The following SAMD3 variants were observed in gnomAD, a reference collection of about 807,000 sequenced individuals.
The protein encoded by SAMD3 is sterile alpha motif domain containing 3.
A neutral mutation model predicts 58.5 loss-of-function variants in SAMD3; 63 were observed. That is an observed-to-expected ratio of 1.08 (90% CI 0.88 to 1.33). The LOEUF is 1.33. Ranked by LOEUF, SAMD3 falls within the 40% of genes most tolerant of loss-of-function variation. SAMD3 has a pLI of 0.00. For missense variants in SAMD3, 604 were observed against 608.4 expected (o/e 0.99, Z 0.08); for synonymous variants, 220 against 210.3 (o/e 1.05, Z -0.40).
At chr6:130,231,345 C>G (rs1436186035) in intron 2 of SAMD3, among the ~76,000 whole-genome samples, 4 of 152,102 alleles carry the variant, frequency 2.6e-5, no homozygotes, top group Non-Finnish European at 4.4e-5. Flanking sequence ...GGGCAGATCA[C>G]TTAAGGTCAG....
At chr6:130,226,078 C>A (rs975618428), upstream of SAMD3, among the ~76,000 whole-genome samples, 3 of 152,156 alleles carry the variant, frequency 2.0e-5, no homozygotes, top group African/African-American at 7.2e-5. Context: ...CAGGACAGCG[C>A]CGCTTTTCCC....
At chr6:130,237,597 G>A (rs534971825) in intron 2 of SAMD3, among the ~76,000 whole-genome samples, 1 of 152,122 alleles carries the variant, frequency 6.6e-6, no homozygotes, top group South Asian at 2.1e-4. Flanking sequence ...GTTATTGATT[G>A]CTGGATACTT....
rs185393517 is a variant in SAMD3 at position 130,194,066 on chromosome 6, T to C, written c.384-9443A>G. Among the ~76,000 whole-genome samples, 510 of 152,140 alleles carry C rather than the reference T, an allele frequency of 3.4e-3. 3 individuals carry two copies. The highest frequency in any genetic ancestry group is 9.5e-3 in the African/African-American group (395 of 41,496). On this transcript the variant is annotated intron_variant, in intron 5 of 11. Transcript: ENST00000439090. Reference sequence around the variant, plus strand: ...TCTTCCTCAGCCTCCGCTCCTCCACTCTATAATCTTTTTATCACCACCCCT... The same window carrying C: ...TCTTCCTCAGCCTCCGCTCCTCCACCCTATAATCTTTTTATCACCACCCCT...
chr6:130,335,501 C>T (rs1777071036), intron 1 of SAMD3, among the ~76,000 whole-genome samples: 1 of 152,228 alleles, frequency 6.6e-6, no homozygotes, highest in Admixed American at 6.5e-5. Context: ...CATTTATCCA[C>T]TCAATCAACA....
At chr6:130,318,877 G>A (rs2114998374) in intron 1 of SAMD3, among the ~76,000 whole-genome samples, 1 of 152,240 alleles carries the variant, frequency 6.6e-6, no homozygotes, top group Non-Finnish European at 1.5e-5. Flanking sequence ...TGTTAGTTCT[G>A]TTATTAAAAC....
chr6:130,244,477 C>G (rs573912671), intron 2 of SAMD3, among the ~76,000 whole-genome samples: 13 of 152,152 alleles, frequency 8.5e-5, no homozygotes, highest in Non-Finnish European at 1.8e-4. Flanking sequence ...GGTGGCCCAG[C>G]CTTGTAATCC....
At chr6:130,337,513 A>G (rs1777137466) in intron 1 of SAMD3, among the ~76,000 whole-genome samples, 1 of 152,232 alleles carries the variant, frequency 6.6e-6, no homozygotes, top group African/African-American at 2.4e-5. Flanking sequence ...CTTTGGGTAT[A>G]AAGATACCCA....
intron 7 of SAMD3, among the ~76,000 whole-genome samples, chr6:130,177,154 T>A (rs916259661): frequency 2.0e-5 from 3 of 152,148 alleles, no homozygotes; most frequent in Non-Finnish European, 2.9e-5. Flanking sequence ...GCATCTCTGA[T>A]TTTGAGGTCA....
chr6:130,157,150 G>T (rs1314884995), intron 8 of SAMD3, among the ~76,000 whole-genome samples: 1 of 151,462 alleles, frequency 6.6e-6, no homozygotes. Flanking sequence ...ATTTTACTTG[G>T]ATTATCTAAA....
At chr6:130,233,193 C>T (rs567121266) in intron 2 of SAMD3, among the ~76,000 whole-genome samples, 4 of 152,280 alleles carry the variant, frequency 2.6e-5, no homozygotes, top group South Asian at 4.1e-4. Context: ...TCCATGACCA[C>T]ACTAGGTCCA....
intron 5 of SAMD3, among the ~76,000 whole-genome samples, chr6:130,193,013 G>A (rs574893673): frequency 5.3e-5 from 8 of 152,032 alleles, no homozygotes; most frequent in Non-Finnish European, 7.4e-5. Flanking sequence ...CGTTTCATCC[G>A]TGGACCCAAA....
chr6:130,293,210 G>A (rs1775441789), intron 2 of SAMD3, among the ~76,000 whole-genome samples: 1 of 152,156 alleles, frequency 6.6e-6, no homozygotes, highest in Non-Finnish European at 1.5e-5. Flanking sequence ...TGCTGGGTTG[G>A]AAAGTAGTTC....
chr6:130,320,532 G>A (rs1031159415), intron 1 of SAMD3, among the ~76,000 whole-genome samples: 6 of 152,124 alleles, frequency 3.9e-5, no homozygotes, highest in Non-Finnish European at 8.8e-5. Context: ...CAGGTATTGC[G>A]TGCTCATGTA....
At chr6:130,331,224 C>T (rs1776922273) in intron 1 of SAMD3, among the ~76,000 whole-genome samples, 1 of 152,214 alleles carries the variant, frequency 6.6e-6, no homozygotes, top group Non-Finnish European at 1.5e-5. Context: ...TTACTATGAT[C>T]ATTGACATTC....
chr6:130,279,119 T>C (rs1774890773), intron 2 of SAMD3, among the ~76,000 whole-genome samples: 1 of 152,194 alleles, frequency 6.6e-6, no homozygotes, highest in Non-Finnish European at 1.5e-5. Context: ...CTTAATAATA[T>C]CTATCTAATA....
chr6:130,267,126 G>T (rs890064240), intron 2 of SAMD3, among the ~76,000 whole-genome samples: 1 of 152,078 alleles, frequency 6.6e-6, no homozygotes, highest in Non-Finnish European at 1.5e-5. Flanking sequence ...ACTAATTGCT[G>T]TCTACACATA....
Position 130,274,752 on chromosome 6 carries a change from C to CTTTTTT in SAMD3, c.-188+38220_-188+38225dup, listed in dbSNP as rs202123647. On this transcript the variant is annotated intron_variant, in intron 2 of 13. Transcript: ENST00000368134. ...GATAAAGGCAGTTTGGCCTAAATATCTTTTTTTTTTTTGGTGTTTCTGTTG... is the reference window on the plus strand; with the variant it reads ...GATAAAGGCAGTTTGGCCTAAATATCTTTTTTTTTTTTTTTTTTGGTGTTTCTGTTG... 1.7e-3 allele frequency among the ~76,000 whole-genome samples: 252 copies of CTTTTTT among 145,266 alleles called. 2 individuals carry two copies. The highest frequency in any genetic ancestry group is 5.8e-3 in the African/African-American group (229 of 39,414).
rs149199934 is a variant in SAMD3, at chr6:130,365,170, C to G, written c.-354G>C. 1.2e-3 allele frequency: 1,161 copies of G among 985,188 alleles called. 8 individuals carry two copies. In the African/African-American group the frequency reaches 0.019, roughly 16 times the overall value. 61.0% of individuals were successfully genotyped at this position (985,188 alleles called of 1,614,324 possible). A position where few individuals can be genotyped will look rare whatever the true frequency, so the allele number is the denominator to read the frequency against. ...ATCACCGTCTTTGCCGAATTAGAGA[C>G]GACATATTTTACTCTGTGAACAGGC... On this transcript the variant is annotated 5_prime_UTR_variant, in exon 1 of 14. Transcript: ENST00000368134.
At chr6:130,145,658 T>A (rs568914405) in intron 10 of SAMD3, among the ~76,000 whole-genome samples, 2 of 152,202 alleles carry the variant, frequency 1.3e-5, no homozygotes, top group Admixed American at 1.3e-4. Context: ...TGTCTGTCCA[T>A]CAGCCAGGAA....
Sources: allele counts gnomAD v4.1 joint callset (sites outside exome capture counted in the v4.1 genomes callset), GRCh38; gene constraint gnomAD v4.1.1; transcripts MANE v1.5; gene names NCBI Gene and HGNC (gene_info 2026-07-23, HGNC 2026-07-21).